DDIAS: variants seen among roughly 807,000 people sequenced by gnomAD.
DDIAS encodes DNA damage-induced apoptosis suppressor protein.
Under a neutral mutation model 15.7 loss-of-function variants are expected in DDIAS, and 14 were observed. That is an observed-to-expected ratio of 0.89 (90% CI 0.59 to 1.39). DDIAS has a LOEUF of 1.39. DDIAS is among the 40% of genes most tolerant of loss of function. The pLI is 0.00. For synonymous variants in DDIAS, 355 were observed against 395.9 expected, an observed-to-expected ratio of 0.90 and a Z score of 1.23; for missense variants, 1,035 against 1,130.9, an observed-to-expected ratio of 0.92 and a Z score of 1.22.
intron 3 of DDIAS, among the ~76,000 whole-genome samples, chr11:82,919,645 C>G (rs563245709): frequency 6.6e-6 from 1 of 152,290 alleles, no homozygotes; most frequent in East Asian, 1.9e-4. Flanking sequence ...CTCTTTATCT[C>G]ATAGAATAGC....
intron 3 of DDIAS, among the ~76,000 whole-genome samples, chr11:82,921,866 A>G (rs1190305514): frequency 6.6e-6 from 1 of 152,180 alleles, no homozygotes; most frequent in Non-Finnish European, 1.5e-5. Context: ...GGCATGAGCC[A>G]CTGCGCCCAG....
chr11:82,934,051 C>T lies in DDIAS; in HGVS notation c.2713C>T (p.Leu905=), dbSNP rs1565253214. The T allele has an allele frequency of 6.2e-7, 1 of 1,613,440 alleles. No homozygotes were observed. The highest frequency in any genetic ancestry group is 1.3e-5 in the African/African-American group (1 of 74,872). The change falls in exon 6 of 6, where the codon CTG becomes TTG. Residue 905 remains leucine (L), a synonymous_variant. Coordinates refer to ENST00000533655, the MANE Select transcript of DDIAS (RefSeq NM_145018.4). The part of the protein sequence containing the change: ...PDQQELPRKK[L]KHIRQGTNKG... ...TCAACAAGAGTTACCAAGAAAGAAA[C>T]TGAAACATATTAGACAAGGAACCAA...
Position 82,929,056 on chromosome 11 carries a change from C to T in DDIAS, c.275+118C>T. The T allele has an allele frequency of 1.8e-6, 2 of 1,131,340 alleles. 1 individual carries two copies. The highest frequency in any genetic ancestry group is 2.9e-5 in the South Asian group (2 of 69,592). The allele number at this position is 1,131,340 out of a possible 1,614,324, so 70.1% of individuals were successfully genotyped here. On this transcript the variant is annotated intron_variant, in intron 4 of 5. Transcript: ENST00000533655. ...TCATTCAACCCCAGATTGTCAATTC[C>T]TTTAAAAGACAAGCAAGTAAGAAAG... is the stretch of plus-strand genomic sequence containing the variant.
chr11:82,927,372 G>A (rs1468173077), intron 3 of DDIAS, among the ~76,000 whole-genome samples: 1 of 151,712 alleles, frequency 6.6e-6, no homozygotes, highest in Non-Finnish European at 1.5e-5. Context: ...TTATATGAAT[G>A]GGTTGGTATA....
chr11:82,902,994 G>C (rs1396670118), intron 1 of DDIAS, among the ~76,000 whole-genome samples: 5 of 152,220 alleles, frequency 3.3e-5, no homozygotes, highest in Non-Finnish European at 7.3e-5. Flanking sequence ...AGTTGATACT[G>C]ATGCCTAAAA....
At chr11:82,905,836 G>C (rs1481144413) in intron 1 of DDIAS, among the ~76,000 whole-genome samples, 1 of 152,124 alleles carries the variant, frequency 6.6e-6, no homozygotes. Flanking sequence ...TTGGGATATG[G>C]TTTGCTGTGA....
intron 3 of DDIAS, among the ~76,000 whole-genome samples, chr11:82,918,841 G>A (rs1353823880): frequency 6.6e-6 from 1 of 151,608 alleles, no homozygotes; most frequent in Non-Finnish European, 1.5e-5. Context: ...TTTTTTGTGT[G>A]TGTGTTTTTG....
At chr11:82,921,762 A>G (rs1260865379) in intron 3 of DDIAS, among the ~76,000 whole-genome samples, 1 of 151,516 alleles carries the variant, frequency 6.6e-6, no homozygotes, top group Non-Finnish European at 1.5e-5. Flanking sequence ...TATTTTTAGT[A>G]GAGACAGGGT....
At chr11:82,904,903 G>A (rs1860394663) in intron 1 of DDIAS, among the ~76,000 whole-genome samples, 1 of 152,146 alleles carries the variant, frequency 6.6e-6, no homozygotes, top group Non-Finnish European at 1.5e-5. Flanking sequence ...GCAACTTTCT[G>A]TTTATAATTT....
chr11:82,907,530 T>G (rs939583032), intron 1 of DDIAS, among the ~76,000 whole-genome samples: 20 of 152,200 alleles, frequency 1.3e-4, no homozygotes, highest in African/African-American at 4.3e-4. Context: ...AAATTCTGCT[T>G]ATAGTTCTTC....
chr11:82,933,182 G>C lies in DDIAS; in HGVS notation c.1844G>C (p.Cys615Ser), dbSNP rs202019791. ...TGCAAATTAGAAAATAAACAATATT[G>C]TAGGTGGTCCAAGAACCAAGATGAC... ...DLCKLENKQYCRWSKNQDDSF... is the reference protein window; with the variant it reads ...DLCKLENKQYSRWSKNQDDSF... The change falls in exon 6 of 6, where the codon TGT becomes TCT. Residue 615 changes from cysteine (C) to serine (S), a missense_variant. By Grantham distance (112) the Cys-to-Ser change is moderately radical (BLOSUM62 -1). Transcript: ENST00000533655. 89 of 1,612,288 alleles carry C rather than the reference G, an allele frequency of 5.5e-5. No individual in the cohort carries two copies. The highest frequency in any genetic ancestry group is 6.7e-5 in the Non-Finnish European group (79 of 1,179,888).
intron 3 of DDIAS, among the ~76,000 whole-genome samples, chr11:82,918,608 T>C (rs1439432731): frequency 1.3e-5 from 2 of 152,250 alleles, no homozygotes; most frequent in African/African-American, 4.8e-5. Context: ...TTTCTAATTC[T>C]GTGAAGAATG....
Position 82,933,999 on chromosome 11 carries a change from A to G in DDIAS, c.2661A>G (p.Lys887=), listed in dbSNP as rs1216218574. 6.2e-6 allele frequency: 10 copies of G among 1,613,628 alleles called. No homozygotes were observed. Among genetic ancestry groups the G allele is most frequent in the Non-Finnish European group, 8.5e-6 (10 of 1,179,972 alleles). ...GATTCCAAGGCATAGGTCTAGGGAA[A>G]TGCCTTGCTGCCTATCATTTCCCTG... ...MLGFQGIGLG[K]CLAAYHFPDQ... The change falls in exon 6 of 6, where the codon AAA becomes AAG. Residue 887 remains lysine, a synonymous_variant. Transcript: ENST00000533655.
intron 5 of DDIAS, among the ~76,000 whole-genome samples, chr11:82,931,123 T>TA (rs1399282213): frequency 6.6e-6 from 1 of 152,210 alleles, no homozygotes; most frequent in Non-Finnish European, 1.5e-5. Context: ...TTTTTATTTT[T>TA]ATTTTTATTT....
In DDIAS at chr11:82,933,772, C is replaced by T. The variant is rs1861056349; in HGVS notation, c.2434C>T (p.Pro812Ser). 6.2e-7 allele frequency: 1 copy of T among 1,610,230 alleles called. No individual in the cohort carries two copies. Among genetic ancestry groups the T allele is most frequent in the Non-Finnish European group, 8.5e-7 (1 of 1,179,152 alleles). Reference protein sequence around the residue: ...DGNYEKIRIFPENDKQQASPS... With the variant: ...DGNYEKIRIFSENDKQQASPS... ...TAACTATGAAAAAATAAGGATTTTCCCTGAAAATGACAAACAGCAAGCCAG... is the reference window on the plus strand; with the variant it reads ...TAACTATGAAAAAATAAGGATTTTCTCTGAAAATGACAAACAGCAAGCCAG... The change falls in exon 6 of 6, where the codon CCT becomes TCT. Residue 812 changes from proline (P) to serine (S), a missense_variant. Physicochemically the swap from Pro to Ser is moderately conservative, Grantham distance 74. Transcript: ENST00000533655.
Position 82,933,890 on chromosome 11 carries a change from A to AC in DDIAS, c.2555dup (p.Ala854CysfsTer2), listed in dbSNP as rs1443984056. ...TCACAACCAGACGTTTTCAATCACT[A>AC]CCCTTTTGCTGAGTGCCATGAAACT... On this transcript the variant is annotated frameshift_variant, in exon 6 of 6. Coordinates refer to ENST00000533655, the MANE Select transcript of DDIAS (RefSeq NM_145018.4). LOFTEE classifies it low-confidence loss of function (END_TRUNC). 1.2e-6 allele frequency: 2 copies of AC among 1,613,800 alleles called. No homozygotes were observed. Among genetic ancestry groups the AC allele is most frequent in the Non-Finnish European group, 1.7e-6 (2 of 1,180,002 alleles).
intron 3 of DDIAS, among the ~76,000 whole-genome samples, chr11:82,918,356 A>G (rs777381664): frequency 2.0e-5 from 3 of 151,864 alleles, no homozygotes; most frequent in Admixed American, 6.6e-5. Context: ...TTTCCCCACT[A>G]TTGTTCACTT....
intron 1 of DDIAS, among the ~76,000 whole-genome samples, chr11:82,912,220 C>T (rs1412370297): frequency 2.0e-5 from 3 of 152,190 alleles, no homozygotes; most frequent in Non-Finnish European, 4.4e-5. Flanking sequence ...AAGCCAGGCA[C>T]TGACTTCTCT....
In DDIAS at chr11:82,932,581, G is replaced by T; in HGVS notation, c.1243G>T (p.Asp415Tyr). 6.2e-7 allele frequency: 1 copy of T among 1,614,150 alleles called. No individual in the cohort carries two copies. Among genetic ancestry groups the T allele is most frequent in the African/African-American group, 1.3e-5 (1 of 75,038 alleles). The change falls in exon 6 of 6, where the codon GAT (aspartate) becomes TAT (tyrosine). Residue 415 changes from aspartate to tyrosine, a missense_variant. Physicochemically the swap from Asp to Tyr is radical, Grantham distance 160. Coordinates refer to ENST00000533655, the MANE Select transcript of DDIAS (RefSeq NM_145018.4). Reference protein sequence around the residue: ...SQDGDPQIWDDLPFSESLNKF... With the variant: ...SQDGDPQIWDYLPFSESLNKF... ...GGATGGTGACCCTCAAATTTGGGAT[G>T]ATCTGCCATTCTCTGAAAGCCTGAA... is the stretch of plus-strand genomic sequence containing the variant.
Sources: allele counts gnomAD v4.1 joint callset (sites outside exome capture counted in the v4.1 genomes callset), GRCh38; gene constraint gnomAD v4.1.1; transcripts MANE v1.5; gene names NCBI Gene and HGNC (gene_info 2026-07-23, HGNC 2026-07-21).